TYW1B: variants seen among roughly 807,000 people sequenced by gnomAD.
TYW1B encodes the protein tRNA-yW synthesizing protein 1 homolog B, also known as S-adenosyl-L-methionine-dependent tRNA 4-demethylwyosine synthase TYW1B.
TYW1B carries 73 observed loss-of-function variants against 86.9 expected under a neutral mutation model. That is an observed-to-expected ratio of 0.84 (90% CI 0.70 to 1.02). The LOEUF is 1.02. TYW1B is among the 50% of genes least tolerant of loss of function. The pLI is 0.00. For missense variants in TYW1B, 637 were observed against 827.4 expected, an observed-to-expected ratio of 0.77 and a Z score of 2.82; for synonymous variants, 248 against 292.8, an observed-to-expected ratio of 0.85 and a Z score of 1.56.
intron 8 of TYW1B, among the ~76,000 whole-genome samples, chr7:72,735,261 A>G (rs1340837509): frequency 1.3e-5 from 2 of 152,146 alleles, no homozygotes; most frequent in African/African-American, 2.4e-5. Context: ...ACAATGGAAT[A>G]TTATTTAGCC....
Position 72,775,028 on chromosome 7 carries a change from T to C in TYW1B, c.964+2388A>G, listed in dbSNP as rs1554470328. Among the ~76,000 whole-genome samples, 3 of 152,310 alleles carry C rather than the reference T, an allele frequency of 2.0e-5. No individual in the cohort carries two copies. The East Asian group carries it at 5.8e-4, about 29-fold the overall frequency. On this transcript the variant is annotated intron_variant, in intron 7 of 13. Coordinates refer to ENST00000620995, the MANE Select transcript of TYW1B (RefSeq NM_001145440.3). ...ACTACAATGTCTAAGTTGAAAAACC[T>C]ATTATATAGGATTAATGGAAGATGA...
chr7:72,799,691 A>C (rs185104706), intron 6 of TYW1B, among the ~76,000 whole-genome samples: 1 of 151,256 alleles, frequency 6.6e-6, no homozygotes, highest in African/African-American at 2.4e-5. Context: ...GATCTCGATC[A>C]CCTGACCTCG....
chr7:72,689,041 A>T (rs1814076690), intron 11 of TYW1B, among the ~76,000 whole-genome samples: 1 of 152,148 alleles, frequency 6.6e-6, no homozygotes, highest in Non-Finnish European at 1.5e-5. Flanking sequence ...GCCCTGGGGG[A>T]TCTATGCCTG....
chr7:72,636,283 T>C (rs1812666524), intron 11 of TYW1B, among the ~76,000 whole-genome samples: 1 of 152,226 alleles, frequency 6.6e-6, no homozygotes, highest in Non-Finnish European at 1.5e-5. Context: ...AACTGATTTT[T>C]GTAAGCTGAC....
intron 11 of TYW1B, among the ~76,000 whole-genome samples, chr7:72,637,863 C>A (rs1554440985): frequency 1.1e-4 from 17 of 151,128 alleles, no homozygotes; most frequent in Non-Finnish European, 2.5e-4. Context: ...TCTAGATTGG[C>A]AGCTCTTGGC....
chr7:72,778,022 G>A (rs1479274023), intron 6 of TYW1B, among the ~76,000 whole-genome samples: 1 of 152,156 alleles, frequency 6.6e-6, no homozygotes, highest in African/African-American at 2.4e-5. Context: ...CAATCCCAAT[G>A]AGACAACAAT....
At chr7:72,642,409 G>C (rs1355940877) in intron 11 of TYW1B, among the ~76,000 whole-genome samples, 1 of 152,138 alleles carries the variant, frequency 6.6e-6, no homozygotes, top group Non-Finnish European at 1.5e-5. Context: ...GTTAAATATA[G>C]AATTACTATA....
chr7:72,606,080 G>C (rs1554434793), intron 13 of TYW1B, among the ~76,000 whole-genome samples: 5 of 152,126 alleles, frequency 3.3e-5, no homozygotes. Flanking sequence ...CACTGGCTAG[G>C]GGCCTTGGGA....
At chr7:72,593,856 G>C (rs577611805) in intron 13 of TYW1B, among the ~76,000 whole-genome samples, 1 of 112,348 alleles carries the variant, frequency 8.9e-6, no homozygotes, top group South Asian at 3.1e-4. Flanking sequence ...AAAATCAATA[G>C]ATGAATGAAA....
At chr7:72,657,232 ACGAGATT>A (rs1813225273) in intron 11 of TYW1B, among the ~76,000 whole-genome samples, 1 of 152,184 alleles carries the variant, frequency 6.6e-6, no homozygotes, top group Non-Finnish European at 1.5e-5. Flanking sequence ...GAGCTTCAAC[ACGAGATT>A]AGAGTGGAAG....
chr7:72,657,167 A>G (rs548277974), intron 11 of TYW1B, among the ~76,000 whole-genome samples: 1 of 152,222 alleles, frequency 6.6e-6, no homozygotes, highest in Non-Finnish European at 1.5e-5. Context: ...AATAGAACCA[A>G]ATCAGAAATC....
At chr7:72,632,397 TATAA>T (rs1375468061) in intron 11 of TYW1B, among the ~76,000 whole-genome samples, 1,114 of 102,982 alleles carry the variant, frequency 0.011, 49 homozygotes, top group African/African-American at 0.047. Flanking sequence ...CGTATATATA[TATAA>T]TATATATATA....
At chr7:72,623,199 G>T (rs868984757) in intron 12 of TYW1B, among the ~76,000 whole-genome samples, 1 of 152,166 alleles carries the variant, frequency 6.6e-6, no homozygotes, top group Non-Finnish European at 1.5e-5. Context: ...ATACACATAC[G>T]TGTGTGTTTC....
At chr7:72,726,781 A>C (rs1787005732) in intron 9 of TYW1B, among the ~76,000 whole-genome samples, 1 of 152,208 alleles carries the variant, frequency 6.6e-6, no homozygotes, top group South Asian at 2.1e-4. Flanking sequence ...ACTGCTATAA[A>C]GAACTGCCGG....
intron 7 of TYW1B, among the ~76,000 whole-genome samples, chr7:72,768,408 T>A (rs1238130879): frequency 1.3e-5 from 2 of 152,102 alleles, no homozygotes; most frequent in African/African-American, 4.8e-5. Context: ...TTATCTAATT[T>A]CTGTATCAAA....
At chr7:72,818,736 G>A (rs1226790177) in intron 2 of TYW1B, among the ~76,000 whole-genome samples, 1 of 152,036 alleles carries the variant, frequency 6.6e-6, no homozygotes, top group African/African-American at 2.4e-5. Flanking sequence ...CAATCTTGGT[G>A]GAAGGCAAAG....
At chr7:72,778,543 A>C (rs2844117) in intron 6 of TYW1B, among the ~76,000 whole-genome samples, 1 of 152,118 alleles carries the variant, frequency 6.6e-6, no homozygotes, top group Non-Finnish European at 1.5e-5. Flanking sequence ...ACCACCTCCC[A>C]GGTTCAAGCA....
At position 72,813,612 on chromosome 7, in the gene TYW1B, G is replaced by T. The variant is rs190223508; in HGVS notation, c.237+1768C>A. On this transcript the variant is annotated intron_variant, in intron 3 of 13. Transcript: ENST00000620995. Reference sequence around the variant, plus strand: ...GAGATGCTGATGCTGCTGGCTCAGGGGCCACACTTTGAGAACCACTGCTGT... The same window carrying T: ...GAGATGCTGATGCTGCTGGCTCAGGTGCCACACTTTGAGAACCACTGCTGT... Among the ~76,000 whole-genome samples, 482 of 152,278 alleles carry T rather than the reference G, an allele frequency of 3.2e-3. 2 individuals are homozygous for T. Among genetic ancestry groups the T allele is most frequent in the African/African-American group, 0.011 (453 of 41,554 alleles).
At chr7:72,668,261 A>G (rs781911748) in intron 11 of TYW1B, among the ~76,000 whole-genome samples, 1 of 152,238 alleles carries the variant, frequency 6.6e-6, no homozygotes, top group Non-Finnish European at 1.5e-5. Context: ...ATACTTATAC[A>G]CTATTATAGA....
Sources: gnomAD v4.1 joint callset for allele counts (sites outside exome capture counted in the v4.1 genomes callset) on GRCh38, gnomAD v4.1.1 for gene constraint, MANE v1.5 for transcripts, NCBI Gene and HGNC (gene_info 2026-07-23, HGNC 2026-07-21) for gene names.